The following ZC3H12C variants were observed in gnomAD, a reference collection of about 807,000 sequenced individuals.
ZC3H12C encodes the protein zinc finger CCCH-type containing 12C.
ZC3H12C carries 20 observed loss-of-function variants against 76.3 expected under a neutral mutation model. The ratio of observed to expected loss-of-function variants is 0.26; its 90% CI spans 0.18 to 0.38. The LOEUF (loss-of-function observed/expected upper bound fraction) is 0.38, where lower values mean the gene tolerates loss of function less well. Among genes scored for constraint, ZC3H12C ranks in the 10% least tolerant of loss-of-function variants. The probability of loss-of-function intolerance (pLI) is 1.00; values close to 1 mark genes in which losing one functional copy is unlikely to be tolerated. For missense variants in ZC3H12C, 874 were observed against 1,086.5 expected, an observed-to-expected ratio of 0.80 and a Z score of 2.75; for synonymous variants, 352 against 399.6, an observed-to-expected ratio of 0.88 and a Z score of 1.42.
chr11:110,124,824 T>TTTTTTA (rs1287544511), intron 1 of ZC3H12C, among the ~76,000 whole-genome samples: 11 of 152,252 alleles, frequency 7.2e-5, no homozygotes, highest in African/African-American at 2.6e-4. Context: ...GATTTTTTTT[T>TTTTTTA]TTTTTTAAGC....
intron 1 of ZC3H12C, among the ~76,000 whole-genome samples, chr11:110,125,739 C>T (rs372341817): frequency 1.3e-5 from 2 of 152,222 alleles, no homozygotes; most frequent in African/African-American, 2.4e-5. Flanking sequence ...CATCTCCTTA[C>T]GGCCTGACAG....
At chr11:110,122,588 G>A (rs143827131) in intron 1 of ZC3H12C, among the ~76,000 whole-genome samples, 1 of 152,286 alleles carries the variant, frequency 6.6e-6, no homozygotes, top group African/African-American at 2.4e-5. Flanking sequence ...TCATGATGGT[G>A]CGAAAGCCAC....
intron 4 of ZC3H12C, among the ~76,000 whole-genome samples, chr11:110,162,750 A>G (rs1862503098): frequency 6.6e-6 from 1 of 152,242 alleles, no homozygotes; most frequent in Non-Finnish European, 1.5e-5. Context: ...AAAAGTTTAC[A>G]TATCTGTAAA....
chr11:110,141,081 T>G (rs1184530963), intron 2 of ZC3H12C, among the ~76,000 whole-genome samples: 1 of 152,178 alleles, frequency 6.6e-6, no homozygotes, highest in East Asian at 1.9e-4. Context: ...ACCATTTGCT[T>G]GAGAGTTTAT....
At chr11:110,126,813 A>G (rs772019356) in intron 1 of ZC3H12C, among the ~76,000 whole-genome samples, 6 of 152,126 alleles carry the variant, frequency 3.9e-5, no homozygotes, top group Non-Finnish European at 8.8e-5. Flanking sequence ...CAATATTCAT[A>G]TTTTAATGAA....
At chr11:110,128,418 A>G (rs1214194722) in intron 1 of ZC3H12C, among the ~76,000 whole-genome samples, 1 of 152,176 alleles carries the variant, frequency 6.6e-6, no homozygotes, top group East Asian at 1.9e-4. Flanking sequence ...AGTGCTAGAG[A>G]TCAGGCTTCC....
At chr11:110,116,448 G>T (rs920057361) in intron 1 of ZC3H12C, among the ~76,000 whole-genome samples, 1 of 151,936 alleles carries the variant, frequency 6.6e-6, no homozygotes, top group Non-Finnish European at 1.5e-5. Flanking sequence ...GAATAGAGTC[G>T]GGCATTTTAA....
intron 3 of ZC3H12C, among the ~76,000 whole-genome samples, chr11:110,158,196 G>C (rs552592882): frequency 1.3e-5 from 2 of 152,260 alleles, no homozygotes; most frequent in African/African-American, 4.8e-5. Context: ...CAAGTCAATA[G>C]AGTTACAAAG....
Position 110,120,731 on chromosome 11 carries a change from T to A in ZC3H12C, c.22-15932T>A, listed in dbSNP as rs150232539. Among the ~76,000 whole-genome samples, 6 of 152,310 alleles carry A rather than the reference T, an allele frequency of 3.9e-5. No homozygotes were observed. The East Asian group carries it at 7.7e-4, about 20-fold the overall frequency. ...ATGGGGAATCTGCAAATGATGAGGA[T>A]CAGCTGTGTGTCATTTTTCAATCAC... On this transcript the variant is annotated intron_variant, in intron 1 of 5. Coordinates refer to ENST00000278590, the MANE Select transcript of ZC3H12C (RefSeq NM_033390.2).
intron 1 of ZC3H12C, chr11:110,130,959 A>C: frequency 3.5e-6 from 5 of 1,425,334 alleles, no homozygotes; most frequent in Non-Finnish European, 4.7e-6. Context: ...TCCACTCGGT[A>C]ATAGGTTAAG....
In ZC3H12C at chr11:110,170,893, A is replaced by AACTT. The variant is rs1473496876; in HGVS notation, c.*5158_*5161dup. 1 of 152,228 alleles carries AACTT rather than the reference A, an allele frequency of 6.6e-6. No individual in the cohort carries two copies. The highest frequency in any genetic ancestry group is 1.5e-5 in the Non-Finnish European group (1 of 68,018). 9.4% of individuals were successfully genotyped at this position (152,228 alleles called of 1,614,324 possible). On this transcript the variant is annotated 3_prime_UTR_variant, in exon 6 of 6. Coordinates refer to ENST00000278590, the MANE Select transcript of ZC3H12C (RefSeq NM_033390.2). ...TTGTTTTTCCTTAATACTTTCTGTTAACTTAATTATTACTCCTGTTGCAGT... is the reference window on the plus strand; with the variant it reads ...TTGTTTTTCCTTAATACTTTCTGTTAACTTACTTAATTATTACTCCTGTTGCAGT...
At chr11:110,097,526 G>T (rs1349950366) in intron 1 of ZC3H12C, among the ~76,000 whole-genome samples, 1 of 152,154 alleles carries the variant, frequency 6.6e-6, no homozygotes, top group Non-Finnish European at 1.5e-5. Flanking sequence ...CATTTATTGT[G>T]CCAAGTATTG....
chr11:110,110,412 G>A (rs1861404908), intron 1 of ZC3H12C, among the ~76,000 whole-genome samples: 2 of 151,994 alleles, frequency 1.3e-5, no homozygotes, highest in Non-Finnish European at 1.5e-5. Context: ...GGCCCCCACT[G>A]TACTCTTTTT....
intron 1 of ZC3H12C, among the ~76,000 whole-genome samples, chr11:110,125,076 T>G (rs1461702690): frequency 1.3e-5 from 2 of 152,120 alleles, no homozygotes; most frequent in African/African-American, 2.4e-5. Context: ...TATGAGGTTT[T>G]AAGAATGCAC....
intron 2 of ZC3H12C, among the ~76,000 whole-genome samples, chr11:110,152,703 G>C (rs1236469454): frequency 6.6e-6 from 1 of 151,888 alleles, no homozygotes; most frequent in African/African-American, 2.4e-5. Flanking sequence ...TTCTTCTCTG[G>C]AAAATAATCA....
intron 1 of ZC3H12C, among the ~76,000 whole-genome samples, chr11:110,100,575 G>A (rs1476574896): frequency 6.6e-6 from 1 of 152,096 alleles, no homozygotes; most frequent in Non-Finnish European, 1.5e-5. Context: ...TCACGTCGTG[G>A]TAGTTCTTGC....
rs1316950817 is a variant in ZC3H12C at position 110,118,022 on chromosome 11, CAT to C, written c.22-18634_22-18633del. On this transcript the variant is annotated intron_variant, in intron 1 of 5. Coordinates refer to ENST00000278590, the MANE Select transcript of ZC3H12C (RefSeq NM_033390.2). The stretch of plus-strand genomic sequence containing the variant: ...TATATATTATATATATACACACACA[CAT>C]ATATATTATATATATATACACATAT... 2.9e-4 allele frequency among the ~76,000 whole-genome samples: 36 copies of C among 124,628 alleles called. 4 individuals carry two copies. The highest frequency in any genetic ancestry group is 6.9e-4 in the African/African-American group (23 of 33,300). The allele number at this position is 124,628 out of a possible 152,430, so 81.8% of individuals were successfully genotyped here.
At chr11:110,111,336 G>T (rs754953706) in intron 1 of ZC3H12C, among the ~76,000 whole-genome samples, 2 of 152,000 alleles carry the variant, frequency 1.3e-5, no homozygotes, top group Non-Finnish European at 2.9e-5. Context: ...TCAAAATCCT[G>T]AAATAATTTA....
chr11:110,131,756 C>T (rs1196540576), intron 1 of ZC3H12C: 1 of 152,270 alleles, frequency 6.6e-6, no homozygotes, highest in Non-Finnish European at 1.5e-5. Context: ...GAGGAAGAAA[C>T]AAAGACGTGC....
Sources: allele counts gnomAD v4.1 joint callset (sites outside exome capture counted in the v4.1 genomes callset), GRCh38; gene constraint gnomAD v4.1.1; transcripts MANE v1.5; gene names NCBI Gene and HGNC (gene_info 2026-07-23, HGNC 2026-07-21).